Variants in TENM3 observed in about 807,000 individuals in gnomAD.
The protein encoded by TENM3 is teneurin transmembrane protein 3.
TENM3 carries 63 observed loss-of-function variants against 255.1 expected under a neutral mutation model. The observed-to-expected ratio is 0.25, with a 90% CI of 0.20 to 0.30. The LOEUF is 0.30. Ranked by LOEUF, TENM3 falls within the 10% of genes least tolerant of loss-of-function variation. The pLI, the probability that TENM3 is intolerant of heterozygous loss-of-function variation, is 1.00. For missense variants in TENM3, 2,929 were observed against 3,461.1 expected, an observed-to-expected ratio of 0.85 and a Z score of 3.86; for synonymous variants, 1,306 against 1,322.3, an observed-to-expected ratio of 0.99 and a Z score of 0.27.
chr4:182,538,047 A>G (rs998428487), intron 3 of TENM3, among the ~76,000 whole-genome samples: 10 of 152,222 alleles, frequency 6.6e-5, no homozygotes, highest in African/African-American at 1.9e-4. Context: ...AAAAATGCTC[A>G]TAGTGCTTGG....
the TENM3 span, among the ~76,000 whole-genome samples, chr4:181,481,716 G>T: frequency 6.6e-6 from 1 of 152,088 alleles, no homozygotes; most frequent in Non-Finnish European, 1.5e-5. Context: ...CAGGTCTATT[G>T]CTCACTCTCT....
chr4:182,693,767 T>TA (rs1212787966), intron 12 of TENM3, among the ~76,000 whole-genome samples: 1 of 152,254 alleles, frequency 6.6e-6, no homozygotes, highest in Admixed American at 6.5e-5. Flanking sequence ...ACCTGTTTTA[T>TA]ATGAAATGTG....
At chr4:181,889,685 C>G in the TENM3 span, among the ~76,000 whole-genome samples, 1 of 152,138 alleles carries the variant, frequency 6.6e-6, no homozygotes, top group East Asian at 1.9e-4. Flanking sequence ...AGCAAAGATA[C>G]AGAAAACTAT....
chr4:182,776,546 G>C (rs1764704353), intron 24 of TENM3, among the ~76,000 whole-genome samples: 1 of 152,326 alleles, frequency 6.6e-6, no homozygotes, highest in Admixed American at 6.5e-5. Context: ...AAAGAGGGAG[G>C]AGGGGGAAAT....
chr4:182,390,962 A>T (rs1768385520), intron 3 of TENM3, among the ~76,000 whole-genome samples: 3 of 152,136 alleles, frequency 2.0e-5, no homozygotes, highest in Admixed American at 2.0e-4. Flanking sequence ...CACATGGGAG[A>T]TGCTTGTTCA....
intron 5 of TENM3, among the ~76,000 whole-genome samples, chr4:182,631,038 C>G (rs976513469): frequency 6.6e-6 from 1 of 152,094 alleles, no homozygotes; most frequent in Admixed American, 6.6e-5. Flanking sequence ...GAATATAACT[C>G]TCAGACTTCT....
chr4:182,044,718 C>T, the TENM3 span, among the ~76,000 whole-genome samples: 1 of 152,172 alleles, frequency 6.6e-6, no homozygotes, highest in Non-Finnish European at 1.5e-5. Flanking sequence ...CACCCTTTCC[C>T]GGGCCTTTAT....
chr4:182,045,609 C>T, the TENM3 span, among the ~76,000 whole-genome samples: 1 of 151,734 alleles, frequency 6.6e-6, no homozygotes, highest in African/African-American at 2.4e-5. Flanking sequence ...GGGGCTGTCC[C>T]AAGGATAGTG....
At chr4:181,966,573 C>T in the TENM3 span, among the ~76,000 whole-genome samples, 7 of 152,228 alleles carry the variant, frequency 4.6e-5, no homozygotes, top group East Asian at 3.9e-4. Flanking sequence ...GAATAAAATG[C>T]GAGCTGAAAT....
intron 1 of TENM3, among the ~76,000 whole-genome samples, chr4:182,228,992 G>A (rs888279346): frequency 3.9e-5 from 6 of 152,118 alleles, no homozygotes; most frequent in African/African-American, 1.2e-4. Context: ...ACCCAGGTTG[G>A]GCTGGTGGAT....
At chr4:182,498,747 C>G (rs930384101) in intron 3 of TENM3, among the ~76,000 whole-genome samples, 2 of 151,970 alleles carry the variant, frequency 1.3e-5, no homozygotes, top group Non-Finnish European at 2.9e-5. Context: ...CCCAGCTACT[C>G]CAGAGGCTGA....
the TENM3 span, among the ~76,000 whole-genome samples, chr4:181,672,530 C>A: frequency 9.9e-5 from 15 of 152,224 alleles, no homozygotes; most frequent in South Asian, 2.7e-3. Context: ...TGAAATTAAC[C>A]AAGATCGCAT....
chr4:181,524,156 C>T, the TENM3 span, among the ~76,000 whole-genome samples: 3 of 152,046 alleles, frequency 2.0e-5, no homozygotes, highest in Non-Finnish European at 4.4e-5. Context: ...GCAGCACTTC[C>T]CGTGATTTCC....
chr4:181,514,208 AAC>A, the TENM3 span, among the ~76,000 whole-genome samples: 4 of 152,198 alleles, frequency 2.6e-5, no homozygotes, highest in Non-Finnish European at 5.9e-5. Flanking sequence ...CCCTTTCCAC[AAC>A]AGTGTTATGT....
chr4:182,735,648 C>A (rs139985923), intron 16 of TENM3, among the ~76,000 whole-genome samples: 171 of 152,234 alleles, frequency 1.1e-3, no homozygotes, highest in African/African-American at 3.9e-3. Flanking sequence ...CTGTTTAATT[C>A]TTCGTGGAGA....
chr4:181,461,724 A>G, the TENM3 span, among the ~76,000 whole-genome samples: 2 of 151,852 alleles, frequency 1.3e-5, no homozygotes, highest in Admixed American at 6.6e-5. Flanking sequence ...TCTTTTCTCT[A>G]TGGTTCATAT....
At chr4:182,119,857 G>C in the TENM3 span, among the ~76,000 whole-genome samples, 1 of 151,876 alleles carries the variant, frequency 6.6e-6, no homozygotes. Context: ...ACATACCACC[G>C]TGCCTGGCTA....
chr4:182,076,191 C>T, the TENM3 span, among the ~76,000 whole-genome samples: 4 of 150,242 alleles, frequency 2.7e-5, no homozygotes, highest in African/African-American at 4.9e-5. Flanking sequence ...CCATGCCCAG[C>T]CTCTTTCTCC....
the TENM3 span, among the ~76,000 whole-genome samples, chr4:181,556,151 G>A: frequency 6.6e-6 from 1 of 152,168 alleles, no homozygotes; most frequent in Non-Finnish European, 1.5e-5. Context: ...CAACAAGTTG[G>A]TTGGTAATAA....
Sources: gnomAD v4.1 joint callset for allele counts (sites outside exome capture counted in the v4.1 genomes callset) on GRCh38, gnomAD v4.1.1 for gene constraint, MANE v1.5 for transcripts, NCBI Gene and HGNC (gene_info 2026-07-23, HGNC 2026-07-21) for gene names.